Variants in RASEF observed in about 807,000 individuals in gnomAD.
RASEF encodes the protein ras and EF-hand domain-containing protein.
In RASEF, 68 loss-of-function variants were observed where a neutral mutation model predicts 90.1. The ratio of observed to expected loss-of-function variants is 0.75; its 90% confidence interval spans 0.62 to 0.92. The LOEUF is 0.92. Ranked by LOEUF, RASEF falls within the 40% of genes least tolerant of loss-of-function variation. The pLI, the probability that RASEF is intolerant of heterozygous loss-of-function variation, is 0.00. For missense variants in RASEF, 949 were observed against 937.2 expected (o/e 1.01, Z -0.16); for synonymous variants, 331 against 345.2 (o/e 0.96, Z 0.46).
the RASEF span, among the ~76,000 whole-genome samples, chr9:83,158,444 T>C: frequency 6.6e-6 from 1 of 151,158 alleles, no homozygotes; most frequent in Admixed American, 6.6e-5. Context: ...TACTAGAAAT[T>C]GGTTGTAGTA....
chr9:83,111,486 A>T, the RASEF span, among the ~76,000 whole-genome samples: 1 of 152,190 alleles, frequency 6.6e-6, no homozygotes, highest in Non-Finnish European at 1.5e-5. Context: ...CTAAGAAAGT[A>T]GATTTTCAGT....
the RASEF span, among the ~76,000 whole-genome samples, chr9:83,199,400 G>A: frequency 6.6e-6 from 1 of 151,496 alleles, no homozygotes; most frequent in Non-Finnish European, 1.5e-5. Flanking sequence ...TCTGTAGCAG[G>A]GATTGCTAAC....
chr9:83,018,648 C>T (rs988943499), intron 3 of RASEF, among the ~76,000 whole-genome samples: 29 of 150,454 alleles, frequency 1.9e-4, no homozygotes, highest in African/African-American at 7.1e-4. Flanking sequence ...TAAAAAAGCA[C>T]AAAGTTGAAG....
chr9:83,196,600 AT>A, the RASEF span, among the ~76,000 whole-genome samples: 1 of 152,164 alleles, frequency 6.6e-6, no homozygotes, highest in African/African-American at 2.4e-5. Context: ...CCATCTAAAC[AT>A]AATATTAAAA....
intron 3 of RASEF, among the ~76,000 whole-genome samples, chr9:83,021,950 G>C (rs769474334): frequency 2.6e-5 from 4 of 152,080 alleles, no homozygotes; most frequent in Middle Eastern, 3.4e-3. Flanking sequence ...AGCAGGTGTG[G>C]GCAGACACAG....
At chr9:83,197,492 T>G in the RASEF span, among the ~76,000 whole-genome samples, 79,274 of 151,920 alleles carry the variant, frequency 0.52, 22,876 homozygotes, top group East Asian at 0.78. Flanking sequence ...GGAGCTTACA[T>G]TCCAGTGGAG....
At chr9:83,045,228 T>C (rs991644359) in intron 1 of RASEF, among the ~76,000 whole-genome samples, 1 of 152,224 alleles carries the variant, frequency 6.6e-6, no homozygotes, top group East Asian at 1.9e-4. Context: ...TCTGTTTCTC[T>C]GGAGAACTCT....
the RASEF span, among the ~76,000 whole-genome samples, chr9:83,201,432 G>GAATT: frequency 6.6e-6 from 1 of 152,204 alleles, no homozygotes; most frequent in Non-Finnish European, 1.5e-5. Flanking sequence ...CTTGGAAGAG[G>GAATT]CCTTGGTAAT....
At chr9:83,203,908 T>C in the RASEF span, among the ~76,000 whole-genome samples, 4 of 152,160 alleles carry the variant, frequency 2.6e-5, 1 homozygote, top group Non-Finnish European at 5.9e-5. Flanking sequence ...CTGATGTAGA[T>C]AACCTTTATT....
At chr9:83,147,058 AT>A in the RASEF span, among the ~76,000 whole-genome samples, 4 of 149,426 alleles carry the variant, frequency 2.7e-5, no homozygotes, top group East Asian at 3.9e-4. Context: ...ATATATATAT[AT>A]AAATATGTAC....
upstream of RASEF, among the ~76,000 whole-genome samples, chr9:83,067,280 CT>C (rs1185033471): frequency 6.6e-6 from 1 of 152,182 alleles, no homozygotes; most frequent in Non-Finnish European, 1.5e-5. Flanking sequence ...ATACATACCC[CT>C]GTAAGAGCTG....
the RASEF span, among the ~76,000 whole-genome samples, chr9:83,196,815 T>A: frequency 2.0e-5 from 3 of 152,226 alleles, no homozygotes; most frequent in African/African-American, 7.2e-5. Context: ...GGCTGTGATT[T>A]GTGCAAATTA....
At chr9:83,208,695 G>A in the RASEF span, among the ~76,000 whole-genome samples, 47 of 152,218 alleles carry the variant, frequency 3.1e-4, no homozygotes, top group Non-Finnish European at 5.3e-4. Context: ...CCACAAGACC[G>A]ATAGCCAGGA....
At chr9:83,195,404 C>A in the RASEF span, among the ~76,000 whole-genome samples, 34,630 of 152,006 alleles carry the variant, frequency 0.23, 4,109 homozygotes, top group Middle Eastern at 0.35. Flanking sequence ...AGCTGACAAT[C>A]GGGTGGGAAA....
chr9:82,985,017 G>C (rs1362689261), intron 16 of RASEF, among the ~76,000 whole-genome samples: 2 of 152,194 alleles, frequency 1.3e-5, no homozygotes, highest in Non-Finnish European at 2.9e-5. Context: ...GGAGATTCCA[G>C]ATGCAGGGAA....
At chr9:83,102,621 G>T in the RASEF span, among the ~76,000 whole-genome samples, 1 of 152,156 alleles carries the variant, frequency 6.6e-6, no homozygotes, top group Admixed American at 6.5e-5. Flanking sequence ...GTTCAGGCAG[G>T]AGACAGAGGG....
At chr9:83,197,481 T>C in the RASEF span, among the ~76,000 whole-genome samples, 2,693 of 152,256 alleles carry the variant, frequency 0.018, 25 homozygotes, top group Middle Eastern at 0.031. Flanking sequence ...TCTTCCTTGA[T>C]GGAGCTTACA....
the RASEF span, among the ~76,000 whole-genome samples, chr9:83,107,061 C>G: frequency 2.0e-5 from 3 of 152,306 alleles, no homozygotes; most frequent in East Asian, 3.9e-4. Context: ...ATACTGCCCT[C>G]TCTAGAATGT....
At chr9:83,214,713 C>G in the RASEF span, among the ~76,000 whole-genome samples, 3 of 152,018 alleles carry the variant, frequency 2.0e-5, no homozygotes, top group African/African-American at 7.2e-5. Context: ...GCGCAGTTCC[C>G]CTGCACATAG....
Sources: gnomAD v4.1 joint callset for allele counts (sites outside exome capture counted in the v4.1 genomes callset) on GRCh38, gnomAD v4.1.1 for gene constraint, MANE v1.5 for transcripts, NCBI Gene and HGNC (gene_info 2026-07-23, HGNC 2026-07-21) for gene names.